BCL2: variants seen among roughly 807,000 people sequenced by gnomAD.
BCL2 encodes the protein apoptosis regulator Bcl-2.
BCL2 carries 1 observed loss-of-function variant against 14.2 expected under a neutral mutation model. That is an observed-to-expected ratio of 0.07 (90% CI 0.02 to 0.33). BCL2 has a LOEUF of 0.33. Ranked by LOEUF, BCL2 falls within the 10% of genes least tolerant of loss-of-function variation. BCL2 has a pLI of 0.99. For synonymous variants in BCL2, 151 were observed against 137.2 expected, an observed-to-expected ratio of 1.10 and a Z score of -0.70; for missense variants, 247 against 305.9, an observed-to-expected ratio of 0.81 and a Z score of 1.44.
At chr18:63,166,143 G>A (rs1485628450) in intron 2 of BCL2, among the ~76,000 whole-genome samples, 2 of 152,164 alleles carry the variant, frequency 1.3e-5, no homozygotes, top group Non-Finnish European at 2.9e-5. Context: ...GGGCACTCAC[G>A]GCTTTATAGA....
chr18:63,227,401 G>T (rs1313307955), intron 2 of BCL2, among the ~76,000 whole-genome samples: 1 of 152,174 alleles, frequency 6.6e-6, no homozygotes, highest in Admixed American at 6.5e-5. Flanking sequence ...TAGAGACGTG[G>T]TTTCACCGTA....
chr18:63,134,790 G>A (rs1052696548), intron 2 of BCL2, among the ~76,000 whole-genome samples: 25 of 152,166 alleles, frequency 1.6e-4, no homozygotes, highest in African/African-American at 2.4e-5. Flanking sequence ...AGTCTCATCG[G>A]CAGTAAGAAG....
chr18:63,238,274 C>G (rs1351409539), intron 2 of BCL2, among the ~76,000 whole-genome samples: 1 of 152,134 alleles, frequency 6.6e-6, no homozygotes, highest in Non-Finnish European at 1.5e-5. Context: ...GAACGGCATC[C>G]CAGGAATGCA....
intron 2 of BCL2, among the ~76,000 whole-genome samples, chr18:63,192,904 T>A (rs1909326018): frequency 6.6e-6 from 1 of 152,208 alleles, no homozygotes; most frequent in Non-Finnish European, 1.5e-5. Context: ...TTTCAATATC[T>A]TTGAAATTCT....
rs984110675 is a variant in BCL2, at chr18:63,125,180, CTAA to C, written c.*3442_*3444del. On this transcript the variant is annotated 3_prime_UTR_variant, in exon 3 of 3. Coordinates refer to ENST00000333681, the MANE Select transcript of BCL2 (RefSeq NM_000633.3). ...TACATCTTTAGATGATAAGCATTTA[CTAA>C]TAAAACAAAGATCACATATAAATGG... The C allele has an allele frequency of 1.3e-5, 3 of 222,552 alleles. No individual in the cohort carries two copies. Among genetic ancestry groups the C allele is most frequent in the African/African-American group, 6.7e-5 (3 of 44,756 alleles). 13.8% of individuals were successfully genotyped at this position (222,552 alleles called of 1,614,324 possible). A position where few individuals can be genotyped will look rare whatever the true frequency, so the allele number is the denominator to read the frequency against.
rs141530839 is a variant in BCL2, at chr18:63,225,974, C to T, written c.585+92108G>A. ...TTGTGGCACCCAAGTTCTTGTCCGG[C>T]GTCCAGGAGAAATGAGGTCGCACAA... is the stretch of plus-strand genomic sequence containing the variant. On this transcript the variant is annotated intron_variant, in intron 2 of 2. Coordinates refer to ENST00000333681, the MANE Select transcript of BCL2 (RefSeq NM_000633.3). Among the ~76,000 whole-genome samples, 286 of 152,204 alleles carry T rather than the reference C, an allele frequency of 1.9e-3. 1 individual carries two copies. Among genetic ancestry groups the T allele is most frequent in the African/African-American group, 6.8e-3 (282 of 41,528 alleles).
intron 2 of BCL2, among the ~76,000 whole-genome samples, chr18:63,148,018 CAG>C (rs1254806705): frequency 6.6e-6 from 1 of 152,074 alleles, no homozygotes; most frequent in Non-Finnish European, 1.5e-5. Context: ...TTGGAAAATG[CAG>C]AGAAAATCCA....
At chr18:63,301,010 T>C (rs1912947484) in intron 2 of BCL2, among the ~76,000 whole-genome samples, 1 of 152,022 alleles carries the variant, frequency 6.6e-6, no homozygotes, top group African/African-American at 2.4e-5. Context: ...AAAAAGCAAA[T>C]GGTATGGAAT....
chr18:63,274,175 T>C (rs930255176), intron 2 of BCL2, among the ~76,000 whole-genome samples: 1 of 152,092 alleles, frequency 6.6e-6, no homozygotes, highest in Non-Finnish European at 1.5e-5. Context: ...GACTCCTACA[T>C]GCCTCTACGG....
chr18:63,130,035 C>G (rs1292457877), intron 2 of BCL2, among the ~76,000 whole-genome samples: 1 of 152,176 alleles, frequency 6.6e-6, no homozygotes, highest in Non-Finnish European at 1.5e-5. Context: ...CAAGTCGGGT[C>G]TGTAGTGTGT....
chr18:63,315,996 G>C (rs1428563745), intron 2 of BCL2: 2 of 152,446 alleles, frequency 1.3e-5, no homozygotes, highest in Non-Finnish European at 2.9e-5. Context: ...AAGCAGTTTT[G>C]TCAAAAAATT....
At chr18:63,217,515 G>T (rs1050580677) in intron 2 of BCL2, among the ~76,000 whole-genome samples, 2 of 152,152 alleles carry the variant, frequency 1.3e-5, no homozygotes, top group Admixed American at 6.5e-5. Context: ...GGTAAGCAAC[G>T]TTCTCCTTCC....
intron 2 of BCL2, among the ~76,000 whole-genome samples, chr18:63,216,530 G>A (rs1910208903): frequency 6.6e-6 from 1 of 152,098 alleles, no homozygotes; most frequent in Non-Finnish European, 1.5e-5. Flanking sequence ...TGGTTGATAG[G>A]ATCCAAAAAT....
chr18:63,129,336 C>T (rs933449885), intron 2 of BCL2, among the ~76,000 whole-genome samples: 2 of 150,552 alleles, frequency 1.3e-5, no homozygotes, highest in Admixed American at 6.6e-5. Context: ...GTTGCCCAGG[C>T]TGCAGTGCAG....
intron 2 of BCL2, among the ~76,000 whole-genome samples, chr18:63,274,842 T>C (rs1599284357): frequency 6.6e-6 from 1 of 152,262 alleles, no homozygotes; most frequent in East Asian, 1.9e-4. Context: ...ACCTGATGGG[T>C]AAATATAAAT....
At chr18:63,283,975 C>G (rs1026410118) in intron 2 of BCL2, among the ~76,000 whole-genome samples, 1 of 152,196 alleles carries the variant, frequency 6.6e-6, no homozygotes, top group Admixed American at 6.5e-5. Flanking sequence ...TCCACAGCGA[C>G]AGCAAAGAAC....
At chr18:63,188,732 A>G (rs1057106312) in intron 2 of BCL2, among the ~76,000 whole-genome samples, 17 of 152,208 alleles carry the variant, frequency 1.1e-4, no homozygotes, top group Non-Finnish European at 2.2e-4. Context: ...TAATCCTTAA[A>G]TTATATATTA....
At chr18:63,257,723 G>A (rs558818120) in intron 2 of BCL2, among the ~76,000 whole-genome samples, 6 of 152,316 alleles carry the variant, frequency 3.9e-5, no homozygotes, top group Admixed American at 6.5e-5. Context: ...TTTTAAATGA[G>A]TAATTAAGTG....
In BCL2 at chr18:63,205,385, C is replaced by A. The variant is rs151168965; in HGVS notation, c.586-76626G>T. Among the ~76,000 whole-genome samples the A allele has an allele frequency of 2.0e-5, 3 of 152,344 alleles. No individual in the cohort carries two copies. In the East Asian group the frequency reaches 5.8e-4, roughly 29 times the overall value. ...GCATCTTGCCGGGCACAGAAGAAAG[C>A]CTTGCTCAATAACTGTTTGTTGAGT... On this transcript the variant is annotated intron_variant, in intron 2 of 2. Coordinates refer to ENST00000333681, the MANE Select transcript of BCL2 (RefSeq NM_000633.3).
Sources: gnomAD v4.1 joint callset for allele counts (sites outside exome capture counted in the v4.1 genomes callset) on GRCh38, gnomAD v4.1.1 for gene constraint, MANE v1.5 for transcripts, NCBI Gene and HGNC (gene_info 2026-07-23, HGNC 2026-07-21) for gene names.